The following TMEM132C variants were observed in gnomAD, a reference collection of about 807,000 sequenced individuals.
The protein encoded by TMEM132C is protein phosphatase 1, regulatory subunit 152.
In TMEM132C, 29 loss-of-function variants were observed where a neutral mutation model predicts 61.4. The ratio of observed to expected loss-of-function variants is 0.47; its 90% confidence interval spans 0.35 to 0.64. The LOEUF (loss-of-function observed/expected upper bound fraction) is 0.64. TMEM132C is among the 30% of genes least tolerant of loss of function. TMEM132C has a pLI of 0.00. For missense variants in TMEM132C, 1,408 were observed against 1,476.9 expected (o/e 0.95, Z 0.76); for synonymous variants, 656 against 633.1 (o/e 1.04, Z -0.54).
intron 1 of TMEM132C, among the ~76,000 whole-genome samples, chr12:128,333,344 TGTAA>T (rs1174572295): frequency 2.6e-5 from 4 of 152,250 alleles, no homozygotes; most frequent in Middle Eastern, 3.4e-3. Context: ...TGTGTATGTG[TGTAA>T]GTGTTACTTG....
intron 4 of TMEM132C, among the ~76,000 whole-genome samples, chr12:128,641,190 G>A (rs1282356724): frequency 6.6e-6 from 1 of 152,074 alleles, no homozygotes; most frequent in Non-Finnish European, 1.5e-5. Flanking sequence ...GGCCTCATTT[G>A]TGCCCTTGTC....
chr12:128,610,058 G>A (rs1345500071), intron 3 of TMEM132C, among the ~76,000 whole-genome samples: 1 of 152,236 alleles, frequency 6.6e-6, no homozygotes. Flanking sequence ...GCACCATGGA[G>A]AGATCCCAGA....
intron 2 of TMEM132C, among the ~76,000 whole-genome samples, chr12:128,486,723 G>T (rs959227925): frequency 6.6e-6 from 1 of 152,208 alleles, no homozygotes; most frequent in Non-Finnish European, 1.5e-5. Flanking sequence ...GCCTCTCAGC[G>T]CTTGGGCAGT....
intron 1 of TMEM132C, among the ~76,000 whole-genome samples, chr12:128,392,839 ACAAATT>A (rs1874813151): frequency 6.6e-6 from 1 of 152,052 alleles, no homozygotes; most frequent in African/African-American, 2.4e-5. Flanking sequence ...TAAAATGTTT[ACAAATT>A]TGTCTTGGGC....
At chr12:128,395,856 G>A (rs1228251959) in intron 1 of TMEM132C, among the ~76,000 whole-genome samples, 1 of 151,972 alleles carries the variant, frequency 6.6e-6, no homozygotes, top group Non-Finnish European at 1.5e-5. Context: ...AGCCAGGATG[G>A]GAAGAATATA....
intron 2 of TMEM132C, among the ~76,000 whole-genome samples, chr12:128,443,065 A>C (rs1028766551): frequency 1.3e-4 from 20 of 152,134 alleles, no homozygotes; most frequent in African/African-American, 4.8e-4. Context: ...TGGTGTCTAA[A>C]TGTTACTTTC....
intron 3 of TMEM132C, among the ~76,000 whole-genome samples, chr12:128,554,547 CAT>C: frequency 6.6e-6 from 1 of 152,334 alleles, no homozygotes; most frequent in South Asian, 2.1e-4. Context: ...GGAAGTAAAT[CAT>C]GTGCAAAAGT....
chr12:128,469,885 T>C (rs1316608838), intron 2 of TMEM132C, among the ~76,000 whole-genome samples: 6 of 152,044 alleles, frequency 3.9e-5, no homozygotes, highest in African/African-American at 1.5e-4. Context: ...AATGCATATG[T>C]ATATACACAC....
At chr12:128,295,761 T>A (rs1683704) in intron 1 of TMEM132C, among the ~76,000 whole-genome samples, 1 of 151,368 alleles carries the variant, frequency 6.6e-6, no homozygotes, top group Non-Finnish European at 1.5e-5. Context: ...GATTTCAGTT[T>A]TAAGCACCAA....
chr12:128,379,088 C>G (rs1284257827), intron 1 of TMEM132C, among the ~76,000 whole-genome samples: 1 of 152,144 alleles, frequency 6.6e-6, no homozygotes, highest in Non-Finnish European at 1.5e-5. Context: ...TTTGGTTTGT[C>G]TTTATTAGCA....
rs138627815 is a variant in TMEM132C, at chr12:128,415,129, C to T, written c.483C>T (p.His161=). 17 of 1,609,354 alleles carry T rather than the reference C, an allele frequency of 1.1e-5. No homozygotes were observed. Among genetic ancestry groups the T allele is most frequent in the East Asian group, 6.7e-5 (3 of 44,596 alleles). The change falls in exon 2 of 9, where the codon CAC becomes CAT. Residue 161 remains histidine (H), a synonymous_variant. Coordinates refer to ENST00000435159, the MANE Select transcript of TMEM132C (RefSeq NM_001136103.3). The surrounding 1 kb of genome is among the most constrained non-coding windows in gnomAD (Gnocchi z 5.8). Reference sequence around the variant, plus strand: ...TCATGGGCAGAGACTGGGATGACCACGGCGCCGGGGAGAAGCTGCCATGCC... The same window carrying T: ...TCATGGGCAGAGACTGGGATGACCATGGCGCCGGGGAGAAGCTGCCATGCC... ...FHIMGRDWDD[H]GAGEKLPCLR... is the part of the protein sequence containing the mutation.
Position 128,693,905 on chromosome 12 carries a change from C to T in TMEM132C, c.1526C>T (p.Thr509Ile), listed in dbSNP as rs186918525. The change falls in exon 6 of 9, where the codon ACA (threonine) becomes ATA (isoleucine). Residue 509 changes from threonine (T) to isoleucine (I), a missense_variant. Transcript: ENST00000435159. ...AAGATGGATGCGGTGGTGAACTTCA[C>T]ATACCAGTACCTGAGCGCCCCCCTG... ...KGKMDAVVNF[T>I]YQYLSAPLCV... The T allele has an allele frequency of 2.1e-5, 32 of 1,551,784 alleles. No individual in the cohort carries two copies. Among genetic ancestry groups the T allele is most frequent in the Middle Eastern group, 3.3e-4 (2 of 5,992 alleles).
intron 2 of TMEM132C, among the ~76,000 whole-genome samples, chr12:128,417,921 T>C (rs1423494844): frequency 6.6e-6 from 1 of 152,172 alleles, no homozygotes; most frequent in Non-Finnish European, 1.5e-5. Flanking sequence ...ACAGGAGTAT[T>C]TGTAGCACAG....
rs191947103 is a variant in TMEM132C at position 128,549,667 on chromosome 12, C to G, written c.1121+5564C>G. ...AACTCACACCTGGCGAATGATGAAC[C>G]GTGTCGTGCTCAGCATAGGATGAAC... On this transcript the variant is annotated intron_variant, in intron 3 of 8. Transcript: ENST00000435159. Among the ~76,000 whole-genome samples, 553 of 152,166 alleles carry G rather than the reference C, an allele frequency of 3.6e-3. 9 individuals carry two copies. Among genetic ancestry groups the G allele is most frequent in the African/African-American group, 0.013 (526 of 41,506 alleles).
chr12:128,504,828 G>A (rs1184628903), intron 2 of TMEM132C, among the ~76,000 whole-genome samples: 4 of 126,248 alleles, frequency 3.2e-5, no homozygotes, highest in Admixed American at 2.4e-4. Context: ...TGGGGGTGGG[G>A]GTGGGGGTGG....
intron 4 of TMEM132C, among the ~76,000 whole-genome samples, chr12:128,664,892 A>G (rs773293916): frequency 6.6e-6 from 1 of 152,216 alleles, no homozygotes; most frequent in Non-Finnish European, 1.5e-5. Context: ...CCTCAACTAA[A>G]AAGGTATTTG....
At chr12:128,590,139 T>A (rs1383494108) in intron 3 of TMEM132C, among the ~76,000 whole-genome samples, 1 of 152,166 alleles carries the variant, frequency 6.6e-6, no homozygotes, top group African/African-American at 2.4e-5. Flanking sequence ...GCCAGGACAC[T>A]CTGGCCACAG....
chr12:128,431,995 T>G (rs1026139314), intron 2 of TMEM132C, among the ~76,000 whole-genome samples: 31 of 150,700 alleles, frequency 2.1e-4, no homozygotes, highest in African/African-American at 7.5e-4. Context: ...CAATCTGCTC[T>G]GTCTGTGTCG....
chr12:128,340,405 C>T (rs1872918905), intron 1 of TMEM132C, among the ~76,000 whole-genome samples: 1 of 151,736 alleles, frequency 6.6e-6, no homozygotes, highest in South Asian at 2.1e-4. Flanking sequence ...ATTTTAGTTG[C>T]AACAAAATGA....
Sources: gnomAD v4.1 joint callset for allele counts (sites outside exome capture counted in the v4.1 genomes callset) on GRCh38, gnomAD v4.1.1 for gene constraint, Gnocchi (gnomAD v3.1) non-coding constraint, MANE v1.5 for transcripts, NCBI Gene and HGNC (gene_info 2026-07-23, HGNC 2026-07-21) for gene names.